Variants in C5orf58 observed in about 807,000 individuals in gnomAD.
The protein encoded by C5orf58 is putative uncharacterized protein C5orf58.
A neutral mutation model predicts 2.9 loss-of-function variants in C5orf58; 2 were observed. That is an observed-to-expected ratio of 0.69 (90% CI 0.28 to 2.18). The LOEUF (loss-of-function observed/expected upper bound fraction) is 2.18. Among genes scored for constraint, C5orf58 ranks in the 30% most tolerant of loss-of-function variants. The pLI, the probability that C5orf58 is intolerant of heterozygous loss-of-function variation, is 0.13. For synonymous variants in C5orf58, 37 were observed against 33.4 expected, an observed-to-expected ratio of 1.11 and a Z score of -0.37; for missense variants, 96 against 91.7, an observed-to-expected ratio of 1.05 and a Z score of -0.19.
intron 3 of C5orf58, among the ~76,000 whole-genome samples, chr5:170,238,933 G>C (rs964473599): frequency 6.6e-6 from 1 of 152,182 alleles, no homozygotes; most frequent in Non-Finnish European, 1.5e-5. Context: ...AGAGACACAG[G>C]AATCTGGGGA....
At chr5:170,242,219 G>T (rs1193108693) in intron 3 of C5orf58, among the ~76,000 whole-genome samples, 2 of 147,814 alleles carry the variant, frequency 1.4e-5, no homozygotes, top group African/African-American at 2.5e-5. Context: ...TGTTCATCAA[G>T]GATATTGGTC....
chr5:170,240,141 T>C (rs1317663863), intron 3 of C5orf58, among the ~76,000 whole-genome samples: 2 of 151,120 alleles, frequency 1.3e-5, no homozygotes, highest in Non-Finnish European at 3.0e-5. Flanking sequence ...TTCCATGGTG[T>C]ATATGTGCCA....
At chr5:170,246,409 A>G (rs1761294257), downstream of C5orf58, 1 of 208,846 alleles carries the variant, frequency 4.8e-6, no homozygotes, top group Non-Finnish European at 9.7e-6. Flanking sequence ...ATGAGTTTTT[A>G]TTAATCAGAA....
chr5:170,243,311 G>T (rs112016209), intron 3 of C5orf58, among the ~76,000 whole-genome samples: 2 of 137,066 alleles, frequency 1.5e-5, no homozygotes, highest in South Asian at 5.0e-4. Context: ...GTGCAGAGCT[G>T]AGTTCAATTC....
rs912160714 is a variant in C5orf58 at position 170,240,489 on chromosome 5, C to G, written c.94+5419C>G. Among the ~76,000 whole-genome samples, 54 of 152,044 alleles carry G rather than the reference C, an allele frequency of 3.6e-4. 1 individual carries two copies. Among genetic ancestry groups the G allele is most frequent in the Non-Finnish European group, 6.3e-4 (43 of 67,920 alleles). On this transcript the variant is annotated intron_variant, in intron 3 of 3. Transcript: ENST00000593851. ...CTTTCTAACTGGTGTGAGATGGTAT[C>G]TCATTGTGGTTTTGATTTGCATTTC...
chr5:170,251,168 G>A (rs1165953839), downstream of C5orf58: 2 of 318,264 alleles, frequency 6.3e-6, no homozygotes, highest in East Asian at 1.4e-4. Flanking sequence ...GGAATCTTTT[G>A]TTCAGTAATA....
At chr5:170,234,611 A>G (rs933780831) in intron 2 of C5orf58, among the ~76,000 whole-genome samples, 1 of 152,254 alleles carries the variant, frequency 6.6e-6, no homozygotes, top group Non-Finnish European at 1.5e-5. Flanking sequence ...TTAGAAAAAG[A>G]CATGGACTTA....
downstream of C5orf58, among the ~76,000 whole-genome samples, chr5:170,249,357 C>CGTGT (rs199770462): frequency 9.6e-6 from 1 of 104,556 alleles, no homozygotes; most frequent in African/African-American, 3.6e-5. Context: ...TATGTGCATG[C>CGTGT]GTGTGTATAT....
intron 3 of C5orf58, among the ~76,000 whole-genome samples, chr5:170,245,430 G>T (rs1220416783): frequency 6.6e-6 from 1 of 152,166 alleles, no homozygotes; most frequent in Non-Finnish European, 1.5e-5. Flanking sequence ...GCGAGACTCC[G>T]TGGGCGTAGG....
intron 3 of C5orf58, among the ~76,000 whole-genome samples, chr5:170,241,714 C>T (rs1441270681): frequency 2.1e-5 from 3 of 144,404 alleles, no homozygotes; most frequent in Non-Finnish European, 3.0e-5. Flanking sequence ...ACAATCATGT[C>T]ATCTGCAAAC....
At chr5:170,250,531 T>C (rs1761411666), downstream of C5orf58, among the ~76,000 whole-genome samples, 2 of 152,256 alleles carry the variant, frequency 1.3e-5, no homozygotes, top group South Asian at 2.1e-4. Context: ...AGAAAAGATA[T>C]ACAAGAAAGA....
At chr5:170,250,819 A>C, downstream of C5orf58, 1 of 1,612,894 alleles carries the variant, frequency 6.2e-7, no homozygotes, top group Non-Finnish European at 8.5e-7. Flanking sequence ...TCTTTGTACA[A>C]CACCATGAGG....
chr5:170,246,015 A>G lies in C5orf58; in HGVS notation c.148A>G (p.Lys50Glu). 2 of 1,613,784 alleles carry G rather than the reference A, an allele frequency of 1.2e-6. No homozygotes were observed. The highest frequency in any genetic ancestry group is 1.7e-6 in the Non-Finnish European group (2 of 1,179,772). ...DLILHFNHPI[K>E]TENLAEAERN... ...TATCCTACATTTTAATCATCCCATC[A>G]AGACTGAGAACTTAGCAGAAGCAGA... The change falls in exon 4 of 4, where the codon AAG (lysine) becomes GAG (glutamate). Residue 50 changes from lysine (K) to glutamate (E), a missense_variant. Physicochemically the swap from Lys to Glu is moderately conservative, Grantham distance 56. Coordinates refer to ENST00000593851, the MANE Select transcript of C5orf58 (RefSeq NM_001102609.3).
chr5:170,237,501 A>G, intron 3 of C5orf58: 1 of 386,448 alleles, frequency 2.6e-6, no homozygotes, highest in Non-Finnish European at 4.6e-6. Flanking sequence ...TCCACAAGTA[A>G]AGAGATTCCA....
chr5:170,235,073 A>C lies in C5orf58; in HGVS notation c.94+3A>C. On this transcript the variant is annotated splice_donor_region_variant and intron_variant, in intron 3 of 3. Transcript: ENST00000593851. ...TTCGGAGTTGAAGAAGATAAAAGGT[A>C]AGTATTGAATCACTAAAATGTTTGC... The C allele has an allele frequency of 2.2e-6, 3 of 1,357,566 alleles. No homozygotes were observed. Among genetic ancestry groups the C allele is most frequent in the Non-Finnish European group, 3.1e-6 (3 of 968,210 alleles). 84.1% of individuals were successfully genotyped at this position (1,357,566 alleles called of 1,614,324 possible).
downstream of C5orf58, chr5:170,248,739 G>A (rs1009619052): frequency 6.2e-7 from 1 of 1,610,308 alleles, no homozygotes; most frequent in Non-Finnish European, 8.5e-7. Flanking sequence ...ACTGGTATCT[G>A]GAACCTCGGT....
intron 3 of C5orf58, among the ~76,000 whole-genome samples, chr5:170,239,200 C>T (rs1760871308): frequency 6.6e-6 from 1 of 152,104 alleles, no homozygotes; most frequent in African/African-American, 2.4e-5. Flanking sequence ...CCAATTATTA[C>T]CTCTGGTGGG....
chr5:170,245,716 C>T (rs531450983), intron 3 of C5orf58, among the ~76,000 whole-genome samples: 69 of 152,316 alleles, frequency 4.5e-4, no homozygotes, highest in African/African-American at 1.7e-3. Context: ...GATGGAAATG[C>T]AGAAATCACC....
chr5:170,239,448 C>G (rs901145170), intron 3 of C5orf58, among the ~76,000 whole-genome samples: 5 of 148,960 alleles, frequency 3.4e-5, no homozygotes, highest in Non-Finnish European at 7.4e-5. Context: ...GAGGTAAACA[C>G]CACCCCACCA....
Sources: gnomAD v4.1 joint callset for allele counts (sites outside exome capture counted in the v4.1 genomes callset) on GRCh38, gnomAD v4.1.1 for gene constraint, MANE v1.5 for transcripts, NCBI Gene and HGNC (gene_info 2026-07-23, HGNC 2026-07-21) for gene names.